The following CD96 variants were observed in gnomAD, a reference collection of about 807,000 sequenced individuals.
CD96 encodes T-cell surface protein tactile.
A neutral mutation model predicts 71.3 loss-of-function variants in CD96; 70 were observed. The observed-to-expected ratio is 0.98, with a 90% CI of 0.81 to 1.20. The LOEUF is 1.20. CD96 is among the 50% of genes most tolerant of loss of function. CD96 has a pLI of 0.00. For missense variants in CD96, 742 were observed against 677.5 expected (o/e 1.10, Z -1.06); for synonymous variants, 248 against 233.0 (o/e 1.06, Z -0.59).
intron 14 of CD96, among the ~76,000 whole-genome samples, chr3:111,657,977 G>A (rs990947831): frequency 3.9e-5 from 6 of 152,130 alleles, no homozygotes; most frequent in Admixed American, 3.3e-4. Context: ...TTTCCCAGAT[G>A]TGCCTTTTGA....
In CD96 at chr3:111,589,677, A is replaced by C. The variant is rs182452192; in HGVS notation, c.807+4299A>C. On this transcript the variant is annotated intron_variant, in intron 5 of 13. Transcript: ENST00000352690. ...AGTGAGCCTCTGAAATAGATAGGGC[A>C]TCTGTCATTTTACAGATGAAAAATT... 5.6e-3 allele frequency among the ~76,000 whole-genome samples: 859 copies of C among 152,348 alleles called. 7 individuals carry two copies. Among genetic ancestry groups the C allele is most frequent in the Non-Finnish European group, 6.9e-3 (467 of 68,032 alleles).
At chr3:111,575,274 G>A (rs1218920230) in intron 3 of CD96, among the ~76,000 whole-genome samples, 6 of 152,140 alleles carry the variant, frequency 3.9e-5, no homozygotes, top group Non-Finnish European at 8.8e-5. Flanking sequence ...AAGCAAGGAA[G>A]GCCATTAACC....
chr3:111,642,365 C>A (rs986981967), intron 12 of CD96, among the ~76,000 whole-genome samples: 3 of 152,032 alleles, frequency 2.0e-5, no homozygotes, highest in Admixed American at 2.0e-4. Flanking sequence ...TATTGTGAAC[C>A]CCTTTATGCA....
At chr3:111,566,052 TA>T (rs1935694639) in intron 2 of CD96, among the ~76,000 whole-genome samples, 1 of 149,586 alleles carries the variant, frequency 6.7e-6, no homozygotes, top group South Asian at 2.1e-4. Flanking sequence ...TTTTTAGCCC[TA>T]AATTGGTGCT....
intron 5 of CD96, among the ~76,000 whole-genome samples, chr3:111,589,928 A>ATTGAAT (rs1453466176): frequency 6.6e-5 from 10 of 152,180 alleles, no homozygotes; most frequent in Admixed American, 6.5e-4. Context: ...TCATATCTAA[A>ATTGAAT]ACTGGAATAA....
chr3:111,599,125 C>T (rs147395615), intron 6 of CD96, among the ~76,000 whole-genome samples: 5,994 of 152,014 alleles, frequency 0.039, 161 homozygotes, highest in Middle Eastern at 0.065. Flanking sequence ...CCCGCCACTA[C>T]GCCCGGCTAA....
chr3:111,606,704 T>G lies in CD96; in HGVS notation c.1092T>G (p.Ser364=), dbSNP rs1320155514. 1 of 1,538,512 alleles carries G rather than the reference T, an allele frequency of 6.5e-7. No individual in the cohort carries two copies. Among genetic ancestry groups the G allele is most frequent in the East Asian group, 2.2e-5 (1 of 44,514 alleles). The change falls in exon 8 of 14, where the codon TCT becomes TCG. Residue 364 remains serine, a synonymous_variant. Transcript: ENST00000352690. ...ATCTCTTTCTAATCCTTTAAGGTTC[T>G]GAAATTTCCTCAACAGACCCTCCAC... ...SSEKITFLLG[S]EISSTDPPLS... is the part of the protein sequence containing the mutation.
At chr3:111,623,289 G>C (rs1938595946) in intron 8 of CD96, among the ~76,000 whole-genome samples, 2 of 152,070 alleles carry the variant, frequency 1.3e-5, no homozygotes, top group African/African-American at 2.4e-5. Context: ...AACAATTATG[G>C]AGTATAAAGA....
At chr3:111,585,881 G>T (rs1402614849) in intron 5 of CD96, among the ~76,000 whole-genome samples, 2 of 152,106 alleles carry the variant, frequency 1.3e-5, no homozygotes, top group African/African-American at 2.4e-5. Flanking sequence ...GGAGAAAAAA[G>T]AAAATTGAAT....
At chr3:111,655,110 C>G (rs1412389330), downstream of CD96, among the ~76,000 whole-genome samples, 3 of 152,308 alleles carry the variant, frequency 2.0e-5, no homozygotes, top group Middle Eastern at 3.4e-3. Context: ...TCCACTCTTA[C>G]AGATAATTGG....
At chr3:111,619,659 G>A (rs1296182199) in intron 8 of CD96, among the ~76,000 whole-genome samples, 3 of 152,160 alleles carry the variant, frequency 2.0e-5, no homozygotes, top group Non-Finnish European at 4.4e-5. Flanking sequence ...AAGGTACAAA[G>A]CAAGCTTTCT....
chr3:111,568,333 T>C (rs760186797), intron 3 of CD96, among the ~76,000 whole-genome samples: 4 of 152,168 alleles, frequency 2.6e-5, no homozygotes, highest in Non-Finnish European at 4.4e-5. Context: ...TCTATTATTT[T>C]GATGTTAGAG....
At chr3:111,596,196 T>TA (rs1392274398) in intron 5 of CD96, among the ~76,000 whole-genome samples, 2 of 146,060 alleles carry the variant, frequency 1.4e-5, no homozygotes, top group African/African-American at 5.1e-5. Flanking sequence ...TAAATAAAAA[T>TA]AAAAAAAGAA....
At chr3:111,593,941 A>G (rs1040902150) in intron 5 of CD96, 1 of 1,614,016 alleles carries the variant, frequency 6.2e-7, no homozygotes, top group Non-Finnish European at 8.5e-7. Flanking sequence ...CCCCAGGGCC[A>G]CGGCTCACCT....
chr3:111,585,386 A>T lies in CD96; in HGVS notation c.807+8A>T. 3.2e-6 allele frequency: 5 copies of T among 1,579,036 alleles called. No individual in the cohort carries two copies. Among genetic ancestry groups the T allele is most frequent in the Non-Finnish European group, 4.4e-6 (5 of 1,148,206 alleles). On this transcript the variant is annotated splice_region_variant and intron_variant, in intron 5 of 13. Transcript: ENST00000352690. ...ACGGATGTCTTGGTAGAGGTGAGTC[A>T]CATAAAAGCCTTTGAAAATCTACAG... is the stretch of plus-strand genomic sequence containing the variant.
chr3:111,656,484 G>A (rs540954182), downstream of CD96, among the ~76,000 whole-genome samples: 6 of 152,224 alleles, frequency 3.9e-5, no homozygotes, highest in East Asian at 1.2e-3. Flanking sequence ...TTTATTCATT[G>A]ACATTGTAAT....
intron 2 of CD96, among the ~76,000 whole-genome samples, chr3:111,548,699 C>T (rs1934540879): frequency 6.6e-6 from 1 of 152,034 alleles, no homozygotes; most frequent in Admixed American, 6.6e-5. Flanking sequence ...TTATTGGAAG[C>T]AGTAGTAGCA....
chr3:111,653,156 T>C (rs1159828778), downstream of CD96, among the ~76,000 whole-genome samples: 1 of 152,184 alleles, frequency 6.6e-6, no homozygotes, highest in Non-Finnish European at 1.5e-5. Flanking sequence ...CACTCTCTTC[T>C]TTTCTACCAT....
At chr3:111,632,972 T>C (rs550938853) in intron 10 of CD96, among the ~76,000 whole-genome samples, 1 of 152,388 alleles carries the variant, frequency 6.6e-6, no homozygotes, top group South Asian at 2.1e-4. Context: ...CAATAACTTT[T>C]TCTTTGCATT....
Sources: gnomAD v4.1 joint callset for allele counts (sites outside exome capture counted in the v4.1 genomes callset) on GRCh38, gnomAD v4.1.1 for gene constraint, MANE v1.5 for transcripts, NCBI Gene and HGNC (gene_info 2026-07-23, HGNC 2026-07-21) for gene names.